Variants in MNAT1 observed in about 807,000 individuals in gnomAD.
The protein encoded by MNAT1 is MNAT1 component of CDK activating kinase, also known as CDK-activating kinase assembly factor MAT1.
MNAT1 carries 43 observed loss-of-function variants against 42.0 expected under a neutral mutation model. That is an observed-to-expected ratio of 1.02 (90% CI 0.80 to 1.32). MNAT1 has a LOEUF of 1.32. MNAT1 is among the 40% of genes most tolerant of loss of function. MNAT1 has a pLI of 0.00. For synonymous variants in MNAT1, 118 were observed against 120.0 expected (o/e 0.98, Z 0.11); for missense variants, 306 against 350.4 (o/e 0.87, Z 1.01).
At chr14:60,778,546 C>A (rs2031332399) in intron 1 of MNAT1, among the ~76,000 whole-genome samples, 1 of 152,192 alleles carries the variant, frequency 6.6e-6, no homozygotes, top group South Asian at 2.1e-4. Flanking sequence ...CATAAGTCCA[C>A]AGCCAGCACC....
chr14:60,877,141 A>G (rs1050999535), intron 6 of MNAT1, among the ~76,000 whole-genome samples: 1 of 152,056 alleles, frequency 6.6e-6, no homozygotes, highest in African/African-American at 2.4e-5. Flanking sequence ...TTAAATAGCC[A>G]TGGGTGTGAA....
At chr14:60,819,702 G>A (rs2139365658) in intron 6 of MNAT1, among the ~76,000 whole-genome samples, 1 of 152,270 alleles carries the variant, frequency 6.6e-6, no homozygotes, top group South Asian at 2.1e-4. Context: ...GCACTACAAA[G>A]TCATGGTTAC....
At chr14:60,779,806 GA>G (rs999484259) in intron 1 of MNAT1, among the ~76,000 whole-genome samples, 104 of 148,206 alleles carry the variant, frequency 7.0e-4, no homozygotes, top group African/African-American at 2.3e-3. Flanking sequence ...AAGAAAAAAA[GA>G]AAAAAAAAAG....
chr14:60,851,641 A>G (rs1360157456), intron 6 of MNAT1, among the ~76,000 whole-genome samples: 4 of 152,026 alleles, frequency 2.6e-5, no homozygotes, highest in Admixed American at 6.6e-5. Context: ...CTATCAACCA[A>G]TCATCTAGGT....
chr14:60,954,892 C>T (rs2036454167), intron 7 of MNAT1, among the ~76,000 whole-genome samples: 1 of 151,858 alleles, frequency 6.6e-6, no homozygotes, highest in Non-Finnish European at 1.5e-5. Flanking sequence ...GAGGTACATT[C>T]CTTCTATATG....
At chr14:60,786,757 T>C (rs1342259372) in intron 1 of MNAT1, among the ~76,000 whole-genome samples, 1 of 152,202 alleles carries the variant, frequency 6.6e-6, no homozygotes, top group Admixed American at 6.5e-5. Flanking sequence ...TCTGCTTCTG[T>C]GTTGAGTCTG....
At chr14:60,948,377 G>A (rs2036321958) in intron 7 of MNAT1, among the ~76,000 whole-genome samples, 1 of 152,084 alleles carries the variant, frequency 6.6e-6, no homozygotes, top group Non-Finnish European at 1.5e-5. Context: ...GGCTATGATT[G>A]TGGCACTGCA....
At chr14:60,882,588 G>T (rs1411789577) in intron 7 of MNAT1, among the ~76,000 whole-genome samples, 2 of 151,994 alleles carry the variant, frequency 1.3e-5, no homozygotes, top group Non-Finnish European at 2.9e-5. Context: ...CTTTCTTTTG[G>T]GTATATACCC....
At chr14:60,911,046 G>C (rs922892243) in intron 7 of MNAT1, among the ~76,000 whole-genome samples, 8 of 152,178 alleles carry the variant, frequency 5.3e-5, no homozygotes, top group African/African-American at 1.9e-4. Context: ...TCCTGGTTTA[G>C]TCTTGGGAGG....
chr14:60,907,811 T>C (rs2035242659), intron 7 of MNAT1, among the ~76,000 whole-genome samples: 1 of 142,944 alleles, frequency 7.0e-6, no homozygotes, highest in African/African-American at 2.5e-5. Context: ...AAAAAGTTGC[T>C]AGAATCAATT....
At chr14:60,871,252 T>C (rs1380212745) in intron 6 of MNAT1, among the ~76,000 whole-genome samples, 1 of 152,248 alleles carries the variant, frequency 6.6e-6, no homozygotes, top group Non-Finnish European at 1.5e-5. Context: ...TGAACATTCA[T>C]GTACAAGTCT....
rs1006134171 is a variant in MNAT1, at chr14:60,872,869, C to CACACAT, written c.688-6844_688-6843insCACATA. ...ACACACACACACACACACACACACA[C>CACACAT]ATATATATATGCACTTTTTTTCCCC... is the stretch of plus-strand genomic sequence containing the variant. On this transcript the variant is annotated intron_variant, in intron 6 of 7. Transcript: ENST00000261245. Among the ~76,000 whole-genome samples, 618 of 139,202 alleles carry CACACAT rather than the reference C, an allele frequency of 4.4e-3. 7 individuals are homozygous for CACACAT. Among genetic ancestry groups the CACACAT allele is most frequent in the African/African-American group, 0.016 (578 of 36,816 alleles). The allele number at this position is 139,202 out of a possible 152,430, so 91.3% of individuals were successfully genotyped here.
chr14:60,818,440 AT>A (rs1313040613), intron 5 of MNAT1, among the ~76,000 whole-genome samples: 2 of 151,834 alleles, frequency 1.3e-5, no homozygotes, highest in African/African-American at 4.8e-5. Context: ...TGATTAGCTT[AT>A]TTTTTTCGTT....
At chr14:60,828,618 T>A (rs2033126756) in intron 6 of MNAT1, among the ~76,000 whole-genome samples, 1 of 152,034 alleles carries the variant, frequency 6.6e-6, no homozygotes, top group Non-Finnish European at 1.5e-5. Flanking sequence ...TTTCCTACAG[T>A]TTAACCCAAT....
In MNAT1 at chr14:60,968,522, A is replaced by G; in HGVS notation, c.*173A>G. On this transcript the variant is annotated 3_prime_UTR_variant, in exon 8 of 8. Coordinates refer to ENST00000261245, the MANE Select transcript of MNAT1 (RefSeq NM_002431.4). ...CTAAGTTGAGTAATATAGGGGATAT[A>G]TATTTGTGAAAAATAATTTTTACTT... 2 of 1,462,698 alleles carry G rather than the reference A, an allele frequency of 1.4e-6. No individual in the cohort carries two copies. Among genetic ancestry groups the G allele is most frequent in the South Asian group, 2.5e-5 (2 of 78,926 alleles). The allele number at this position is 1,462,698 out of a possible 1,614,324, so 90.6% of individuals were successfully genotyped here.
chr14:60,946,066 A>G (rs556462667), intron 7 of MNAT1, among the ~76,000 whole-genome samples: 1 of 152,272 alleles, frequency 6.6e-6, no homozygotes, highest in Non-Finnish European at 1.5e-5. Context: ...CAGTCCCACC[A>G]CCTGTGTTCC....
At chr14:60,811,298 C>CTTTTTTTTT (rs569520885) in intron 4 of MNAT1, among the ~76,000 whole-genome samples, 5 of 80,320 alleles carry the variant, frequency 6.2e-5, no homozygotes, top group East Asian at 3.3e-4. Context: ...TCTATTCTTT[C>CTTTTTTTTT]TTTTTTTTTT....
chr14:60,904,015 G>A (rs2035137321), intron 7 of MNAT1, among the ~76,000 whole-genome samples: 1 of 151,894 alleles, frequency 6.6e-6, no homozygotes, highest in South Asian at 2.1e-4. Flanking sequence ...GGGACTGCAG[G>A]CACCCGCCAC....
At chr14:60,797,990 G>T in intron 2 of MNAT1, 97 bp from the exon 3 acceptor site, 1 of 602,890 alleles carries the variant, frequency 1.7e-6, no homozygotes. Context: ...TCTTTTCCAT[G>T]TATCATATAT....
Sources: allele counts gnomAD v4.1 joint callset (sites outside exome capture counted in the v4.1 genomes callset), GRCh38; gene constraint gnomAD v4.1.1; transcripts MANE v1.5; gene names NCBI Gene and HGNC (gene_info 2026-07-23, HGNC 2026-07-21).